Variants in TASOR2 observed in about 807,000 individuals in gnomAD.
TASOR2 encodes protein TASOR 2.
A neutral mutation model predicts 199.5 loss-of-function variants in TASOR2; 84 were observed. That is an observed-to-expected ratio of 0.42 (90% CI 0.35 to 0.50). The LOEUF (loss-of-function observed/expected upper bound fraction) is 0.50, where lower values mean the gene tolerates loss of function less well. Ranked by LOEUF, TASOR2 falls within the 20% of genes least tolerant of loss-of-function variation. TASOR2 has a pLI of 0.02. For missense variants in TASOR2, 2,796 were observed against 2,835.9 expected, an observed-to-expected ratio of 0.99 and a Z score of 0.32; for synonymous variants, 1,103 against 1,046.6, an observed-to-expected ratio of 1.05 and a Z score of -1.04.
intron 1 of TASOR2, chr10:5,692,830 T>C (rs532459044): frequency 1.3e-5 from 2 of 152,268 alleles, no homozygotes; most frequent in African/African-American, 4.8e-5. Context: ...AGTTCCCCGC[T>C]CTGGCGCACT....
rs554090295 is a variant in TASOR2, at chr10:5,758,434, A to C, written c.6887-453A>C. Among the ~76,000 whole-genome samples, 3 of 152,212 alleles carry C rather than the reference A, an allele frequency of 2.0e-5. No homozygotes were observed. In the South Asian group the frequency reaches 6.2e-4, roughly 32 times the overall value. On this transcript the variant is annotated intron_variant, in intron 17 of 20. Coordinates refer to ENST00000328090, the Ensembl canonical transcript of TASOR2. ...TGTGTGCCTGTAGTCCCAGCTAAGG[A>C]GACTAAGGATGGAGGATTACTTGAG... is the stretch of plus-strand genomic sequence containing the variant.
rs1837861900 is a variant in TASOR2, at chr10:5,750,369, TG to T, written c.6606+345del. ...AGTGGTTGTAGATTGTCCGTTAGTG[TG>T]GGTGGTCAAGTAGGACCTCTTTTGG... On this transcript the variant is annotated intron_variant, in intron 15 of 20. Coordinates refer to ENST00000328090, the Ensembl canonical transcript of TASOR2. The surrounding 1 kb of genome is among the most constrained non-coding windows in gnomAD (Gnocchi z 5.4). Among the ~76,000 whole-genome samples the T allele has an allele frequency of 6.6e-6, 1 of 152,244 alleles. No homozygotes were observed. Among genetic ancestry groups the T allele is most frequent in the Non-Finnish European group, 1.5e-5 (1 of 68,042 alleles).
At chr10:5,726,817 T>G in intron 8 of TASOR2, 68 bp from the exon 10 acceptor site, 1 of 1,377,948 alleles carries the variant, frequency 7.3e-7, no homozygotes, top group Non-Finnish European at 1.0e-6. Flanking sequence ...CACTAATGAG[T>G]ATGGGTAGAG....
chr10:5,686,887 G>A (rs1835873063), intron 1 of TASOR2, among the ~76,000 whole-genome samples: 1 of 151,842 alleles, frequency 6.6e-6, no homozygotes, highest in African/African-American at 2.4e-5. Context: ...AATATATTTT[G>A]GTACTTTCTT....
chr10:5,735,571 T>G (rs1220586667), intron 12 of TASOR2, 25 bp downstream of exon 13: 4 of 1,609,556 alleles, frequency 2.5e-6, no homozygotes, highest in Non-Finnish European at 3.4e-6. Flanking sequence ...TCCTATAAAT[T>G]TAAACACCCC....
intron 14 of TASOR2, 74 bp from the exon 16 acceptor site, chr10:5,746,105 C>A: frequency 7.0e-7 from 1 of 1,418,470 alleles, no homozygotes; most frequent in Non-Finnish European, 9.4e-7. Context: ...TTCTGTTCTT[C>A]ACATGTACAT....
At position 5,685,850 on chromosome 10, in the gene TASOR2, A is replaced by G. The variant is rs1371504787; in HGVS notation, c.-288+675A>G. ...CTGTAACTTTAAACAAACCACGCTT[A>G]CTCTTCCTTATTCTCCCTGTAAGGT... is the stretch of plus-strand genomic sequence containing the variant. On this transcript the variant is annotated intron_variant, in intron 1 of 20. Transcript: ENST00000328090. The surrounding 1 kb of genome is among the most constrained non-coding windows in gnomAD (Gnocchi z 5.4). Among the ~76,000 whole-genome samples, 2 of 152,090 alleles carry G rather than the reference A, an allele frequency of 1.3e-5. No individual in the cohort carries two copies. The highest frequency in any genetic ancestry group is 2.9e-5 in the Non-Finnish European group (2 of 68,016).
intron 14 of TASOR2, among the ~76,000 whole-genome samples, chr10:5,743,454 C>G (rs1045638964): frequency 6.6e-6 from 1 of 152,156 alleles, no homozygotes; most frequent in African/African-American, 2.4e-5. Flanking sequence ...ATTAATCTCC[C>G]CATTACATAG....
rs201959475 is a variant in TASOR2 at position 5,720,803 on chromosome 10, GTT to G, written c.46+38_46+39del. The stretch of plus-strand genomic sequence containing the variant: ...AGAAATAGTTCATTGATTCTTTTAG[GTT>G]TTTTTTTTCTTGAGTAAATGTTTCA... On this transcript the variant is annotated intron_variant, in intron 5 of 20. Coordinates refer to ENST00000328090, the Ensembl canonical transcript of TASOR2. The surrounding 1 kb of genome is among the most constrained non-coding windows in gnomAD (Gnocchi z 5.3). 6 of 1,436,664 alleles carry G rather than the reference GTT, an allele frequency of 4.2e-6. No homozygotes were observed. In the East Asian group the frequency reaches 1.6e-4, roughly 37 times the overall value. The allele number at this position is 1,436,664 out of a possible 1,614,324, so 89.0% of individuals were successfully genotyped here.
intron 1 of TASOR2, among the ~76,000 whole-genome samples, chr10:5,692,199 T>G (rs1394726542): frequency 6.6e-6 from 1 of 151,228 alleles, no homozygotes; most frequent in Non-Finnish European, 1.5e-5. Flanking sequence ...TTTTGTGACA[T>G]GTATAAATAC....
At chr10:5,721,002 G>A in intron 6 of TASOR2, 32 bp downstream of exon 7, 4 of 1,534,524 alleles carry the variant, frequency 2.6e-6, no homozygotes, top group Non-Finnish European at 3.6e-6. Flanking sequence ...CTTTACTAAT[G>A]CTTATATTAC....
chr10:5,686,251 TA>T lies in TASOR2; in HGVS notation c.-288+1078del, dbSNP rs1187558807. Among the ~76,000 whole-genome samples, 4 of 152,364 alleles carry T rather than the reference TA, an allele frequency of 2.6e-5. No homozygotes were observed. The East Asian group carries it at 5.8e-4, about 22-fold the overall frequency. ...TGTATACAGAACATTTGCCCAAATG[TA>T]ACTAATTTTTTTAAAGGGAGATTAT... On this transcript the variant is annotated intron_variant, in intron 1 of 20. Coordinates refer to ENST00000328090, the Ensembl canonical transcript of TASOR2.
chr10:5,693,356 G>C (rs1329498933), intron 1 of TASOR2, among the ~76,000 whole-genome samples: 1 of 152,184 alleles, frequency 6.6e-6, no homozygotes, highest in East Asian at 1.9e-4. Flanking sequence ...GTATTTGCAG[G>C]TTATTACCTT....
chr10:5,709,327 T>G (rs1173686331), intron 1 of TASOR2, among the ~76,000 whole-genome samples: 3 of 152,156 alleles, frequency 2.0e-5, no homozygotes, highest in Admixed American at 6.5e-5. Flanking sequence ...AGTTAAAGAC[T>G]TTTGGAGGAA....
intron 1 of TASOR2, among the ~76,000 whole-genome samples, chr10:5,694,571 A>T (rs2131501105): frequency 6.6e-6 from 1 of 152,360 alleles, no homozygotes; most frequent in Admixed American, 6.5e-5. Context: ...GATATGGTAT[A>T]TTACACATAT....
intron 1 of TASOR2, among the ~76,000 whole-genome samples, chr10:5,686,259 T>C (rs1835806474): frequency 6.6e-6 from 1 of 152,212 alleles, no homozygotes; most frequent in Admixed American, 6.5e-5. Context: ...TGTAACTAAT[T>C]TTTTTAAAGG....
At chr10:5,693,574 A>T (rs558945534) in intron 1 of TASOR2, among the ~76,000 whole-genome samples, 33 of 152,086 alleles carry the variant, frequency 2.2e-4, no homozygotes, top group Admixed American at 5.9e-4. Context: ...TTCTTCATTT[A>T]AAAAAAACCT....
At position 5,738,382 on chromosome 10, in the gene TASOR2, G is replaced by T. The variant is rs1379410424; in HGVS notation, c.1448-1236G>T. On this transcript the variant is annotated intron_variant, in intron 12 of 20. Coordinates refer to ENST00000328090, the Ensembl canonical transcript of TASOR2. The surrounding 1 kb of genome is among the most constrained non-coding windows in gnomAD (Gnocchi z 4.7). ...GCCTTACTGGTAAGTAATATTTTGT[G>T]TAAGGGATAAGTAGATGGAGGCCAT... is the stretch of plus-strand genomic sequence containing the variant. Among the ~76,000 whole-genome samples the T allele has an allele frequency of 1.3e-5, 2 of 152,100 alleles. No homozygotes were observed. The highest frequency in any genetic ancestry group is 6.5e-5 in the Admixed American group (1 of 15,276).
intron 18 of TASOR2, among the ~76,000 whole-genome samples, chr10:5,760,002 C>G (rs1839556517): frequency 6.6e-6 from 1 of 152,242 alleles, no homozygotes; most frequent in African/African-American, 2.4e-5. Context: ...ATAAATCAAT[C>G]TAGCACTTCT....
Sources: gnomAD v4.1 joint callset for allele counts (sites outside exome capture counted in the v4.1 genomes callset) on GRCh38, gnomAD v4.1.1 for gene constraint, Gnocchi (gnomAD v3.1) non-coding constraint, MANE v1.5 for transcripts, NCBI Gene and HGNC (gene_info 2026-07-23, HGNC 2026-07-21) for gene names.